Variants in ERC1 observed in about 807,000 individuals in gnomAD.
ERC1 encodes the protein RAB6 interacting protein 2.
ERC1 carries 56 observed loss-of-function variants against 132.0 expected under a neutral mutation model. The observed-to-expected ratio is 0.42, with a 90% CI of 0.34 to 0.53. The LOEUF (loss-of-function observed/expected upper bound fraction) is 0.53. ERC1 is among the 20% of genes least tolerant of loss of function. The probability of loss-of-function intolerance (pLI) is 0.03; values close to 1 mark genes in which losing one functional copy is unlikely to be tolerated. For synonymous variants in ERC1, 478 were observed against 476.1 expected (o/e 1.00, Z -0.05); for missense variants, 1,202 against 1,349.9 (o/e 0.89, Z 1.72).
At chr12:1,343,157 A>T (rs1464086037) in intron 15 of ERC1, among the ~76,000 whole-genome samples, 1 of 152,228 alleles carries the variant, frequency 6.6e-6, no homozygotes, top group Non-Finnish European at 1.5e-5. Context: ...TTACAGCTCT[A>T]CTGGGGATCT....
chr12:1,010,684 T>A (rs182579472), intron 1 of ERC1, among the ~76,000 whole-genome samples: 2 of 151,588 alleles, frequency 1.3e-5, no homozygotes, highest in Non-Finnish European at 2.9e-5. Flanking sequence ...CTAATTTTTT[T>A]TTATTATTAT....
chr12:1,006,421 A>T (rs1963614284), intron 1 of ERC1, among the ~76,000 whole-genome samples: 2 of 152,106 alleles, frequency 1.3e-5, no homozygotes, highest in South Asian at 2.1e-4. Flanking sequence ...TTTTTGAGAC[A>T]GAGTGTTACT....
At chr12:1,375,019 A>G (rs2087722664) in intron 16 of ERC1, among the ~76,000 whole-genome samples, 1 of 152,168 alleles carries the variant, frequency 6.6e-6, no homozygotes, top group African/African-American at 2.4e-5. Context: ...CGTGAGGGAT[A>G]CAAAAGCACA....
chr12:1,074,315 CT>C (rs1347312130), intron 2 of ERC1, among the ~76,000 whole-genome samples: 1 of 151,592 alleles, frequency 6.6e-6, no homozygotes, highest in African/African-American at 2.4e-5. Flanking sequence ...ATTCCTTTTT[CT>C]TTTTTTTCCG....
At chr12:993,121 T>A (rs1192196340) in intron 1 of ERC1, among the ~76,000 whole-genome samples, 4 of 152,198 alleles carry the variant, frequency 2.6e-5, no homozygotes, top group Admixed American at 6.5e-5. Context: ...AGTGAGAAAG[T>A]GTGTGTTCCA....
At chr12:1,040,696 C>A (rs1430209435) in intron 2 of ERC1, among the ~76,000 whole-genome samples, 2 of 152,144 alleles carry the variant, frequency 1.3e-5, no homozygotes, top group African/African-American at 4.8e-5. Flanking sequence ...ACAATACTTA[C>A]TGAACCCTTT....
chr12:1,115,515 C>T (rs1946351372), intron 6 of ERC1: 1 of 168,200 alleles, frequency 5.9e-6, no homozygotes, highest in South Asian at 1.8e-4. Context: ...AAAATGAAAA[C>T]CATTTCATCA....
At chr12:1,340,901 A>T (rs1179738693) in intron 15 of ERC1, among the ~76,000 whole-genome samples, 2 of 151,914 alleles carry the variant, frequency 1.3e-5, no homozygotes, top group African/African-American at 4.8e-5. Context: ...TGTCCAGCCT[A>T]GTACTCTCTT....
At chr12:1,042,177 A>G (rs1179511678) in intron 2 of ERC1, among the ~76,000 whole-genome samples, 4 of 151,946 alleles carry the variant, frequency 2.6e-5, no homozygotes, top group Non-Finnish European at 4.4e-5. Flanking sequence ...AGCTGGGACT[A>G]CAGGCACCTA....
rs561919917 is a variant in ERC1 at position 1,342,239 on chromosome 12, T to C, written c.2781-29594T>C. On this transcript the variant is annotated intron_variant, in intron 15 of 18. Coordinates refer to ENST00000360905, the MANE Select transcript of ERC1 (RefSeq NM_178040.4). Reference sequence around the variant, plus strand: ...CAGCACTTTGGGAGGCCGAGGCTGGTGGATCACCTGAGGTCAGGAGTTTGA... The same window carrying C: ...CAGCACTTTGGGAGGCCGAGGCTGGCGGATCACCTGAGGTCAGGAGTTTGA... Among the ~76,000 whole-genome samples the C allele has an allele frequency of 1.3e-4, 20 of 151,690 alleles. No homozygotes were observed. The East Asian group carries it at 2.5e-3, about 19-fold the overall frequency.
intron 17 of ERC1, among the ~76,000 whole-genome samples, chr12:1,418,589 CTCTTTCTT>C (rs71055147): frequency 0.22 from 22,849 of 105,386 alleles, 3,056 homozygotes; most frequent in East Asian, 0.33. Flanking sequence ...TTCTTTCTTT[CTCTTTCTT>C]TCTTTCTTTC....
intron 14 of ERC1, among the ~76,000 whole-genome samples, chr12:1,264,260 T>C (rs990392891): frequency 6.6e-6 from 1 of 152,328 alleles, no homozygotes; most frequent in African/African-American, 2.4e-5. Flanking sequence ...CTCTTGCTTT[T>C]GACTTTTCAT....
chr12:1,175,925 C>T (rs897828781), intron 8 of ERC1, among the ~76,000 whole-genome samples: 1 of 152,168 alleles, frequency 6.6e-6, no homozygotes, highest in African/African-American at 2.4e-5. Context: ...ATTTCCACAT[C>T]TTTAGTGACT....
At chr12:1,215,944 A>G (rs1958365744) in intron 12 of ERC1, among the ~76,000 whole-genome samples, 2 of 152,240 alleles carry the variant, frequency 1.3e-5, no homozygotes, top group Non-Finnish European at 1.5e-5. Flanking sequence ...TTATAATTCA[A>G]TTGTGTGCAT....
At chr12:1,262,803 A>G (rs2286034) in intron 13 of ERC1, among the ~76,000 whole-genome samples, 76,984 of 151,992 alleles carry the variant, frequency 0.51, 20,395 homozygotes, top group African/African-American at 0.66. Context: ...AATTTCTCAC[A>G]TTTGTCTTGC....
intron 2 of ERC1, among the ~76,000 whole-genome samples, chr12:1,042,676 T>C (rs1034307128): frequency 7.9e-5 from 12 of 152,098 alleles, no homozygotes; most frequent in African/African-American, 2.2e-4. Flanking sequence ...CCCAGTTGCA[T>C]TGTATTTATG....
At chr12:1,272,313 C>T (rs1466157528) in intron 14 of ERC1, among the ~76,000 whole-genome samples, 1 of 152,234 alleles carries the variant, frequency 6.6e-6, no homozygotes, top group African/African-American at 2.4e-5. Flanking sequence ...AGGCACTGCT[C>T]TCACTGGTTG....
chr12:1,126,323 A>G (rs568641722), intron 7 of ERC1, among the ~76,000 whole-genome samples: 1 of 152,210 alleles, frequency 6.6e-6, no homozygotes, highest in Non-Finnish European at 1.5e-5. Flanking sequence ...AGGAGCAGAT[A>G]TGAAAAGAAC....
intron 13 of ERC1, among the ~76,000 whole-genome samples, chr12:1,248,416 T>G (rs1161336732): frequency 1.3e-5 from 2 of 152,166 alleles, no homozygotes; most frequent in African/African-American, 2.4e-5. Context: ...GGGAAATATT[T>G]TGGGCAACAA....
Sources: allele counts gnomAD v4.1 joint callset (sites outside exome capture counted in the v4.1 genomes callset), GRCh38; gene constraint gnomAD v4.1.1; transcripts MANE v1.5; gene names NCBI Gene and HGNC (gene_info 2026-07-23, HGNC 2026-07-21).